The following DUOXA1 variants were observed in gnomAD, a reference collection of about 807,000 sequenced individuals.
DUOXA1 encodes dual oxidase activator 1.
In DUOXA1, 19 loss-of-function variants were observed where a neutral mutation model predicts 26.6. The observed-to-expected ratio is 0.71, with a 90% confidence interval of 0.50 to 1.05. The LOEUF (loss-of-function observed/expected upper bound fraction) is 1.05, where lower values mean the gene tolerates loss of function less well. Ranked by LOEUF, DUOXA1 falls within the 50% of genes least tolerant of loss-of-function variation. The pLI is 0.00. For synonymous variants in DUOXA1, 166 were observed against 177.0 expected (o/e 0.94, Z 0.49); for missense variants, 403 against 427.5 (o/e 0.94, Z 0.51).
chr15:45,125,813 G>A (rs565687295), intron 3 of DUOXA1, among the ~76,000 whole-genome samples: 1 of 152,178 alleles, frequency 6.6e-6, no homozygotes, highest in African/African-American at 2.4e-5. Context: ...TCTTCTTTTA[G>A]CAGTATTCCA....
intron 7 of DUOXA1, 111 bp downstream of exon 7, chr15:45,120,481 G>A (rs187988297): frequency 1.4e-6 from 2 of 1,455,772 alleles, no homozygotes; most frequent in East Asian, 4.5e-5. Flanking sequence ...GGGGACTGGT[G>A]CCAGGCCACC....
chr15:45,121,704 T>C (rs1408620340), intron 5 of DUOXA1, among the ~76,000 whole-genome samples: 2 of 152,176 alleles, frequency 1.3e-5, no homozygotes, highest in African/African-American at 4.8e-5. Context: ...TTAGTAGAGA[T>C]GGGGTTTCCC....
chr15:45,124,423 CTCTT>C (rs1895504858), intron 3 of DUOXA1, among the ~76,000 whole-genome samples: 1 of 152,100 alleles, frequency 6.6e-6, no homozygotes, highest in Admixed American at 6.5e-5. Flanking sequence ...CTCCATTTAT[CTCTT>C]TCTTCAATCT....
chr15:45,120,512 A>G, intron 7 of DUOXA1, 80 bp downstream of exon 7: 2 of 1,523,832 alleles, frequency 1.3e-6, no homozygotes, highest in Non-Finnish European at 1.8e-6. Flanking sequence ...TACCCACATG[A>G]GTGGAGGAGA....
chr15:45,120,035 T>A, intron 8 of DUOXA1, 68 bp downstream of exon 8: 2 of 1,572,858 alleles, frequency 1.3e-6, no homozygotes, highest in Non-Finnish European at 1.7e-6. Context: ...TCTACCGACA[T>A]GATGCCCCCA....
In DUOXA1 at chr15:45,121,130, A is replaced by T. The variant is rs765806257; in HGVS notation, c.297T>A (p.Ile99=). The T allele has an allele frequency of 1.2e-6, 2 of 1,614,130 alleles. No homozygotes were observed. The highest frequency in any genetic ancestry group is 1.7e-6 in the Non-Finnish European group (2 of 1,180,004). The change falls in exon 6 of 9, where the codon ATT becomes ATA. Residue 99 remains isoleucine, a synonymous_variant. Transcript: ENST00000560572. ...CTCCACCCAGCCCGACCTGCAGCCC[A>T]ATATCAGCGCTGATCCACTCAGAAC... ...AFSSEWISAD[I]GLQVGLGGVN...
In DUOXA1 at chr15:45,122,970, C is replaced by T; in HGVS notation, c.45G>A (p.Lys15=). 6.2e-7 allele frequency: 1 copy of T among 1,613,304 alleles called. No individual in the cohort carries two copies. The highest frequency in any genetic ancestry group is 2.2e-5 in the East Asian group (1 of 44,808). The change falls in exon 4 of 9, where the codon AAG becomes AAA. Residue 15 remains lysine, a synonymous_variant. Coordinates refer to ENST00000560572, the MANE Select transcript of DUOXA1 (RefSeq NM_001276266.2). ...AAGTGGTGTCCATCGGGAAGGTTGG[C>T]TTGGGGCCAGCATAGAAGGGGAATG... ...GHTFPFYAGP[K]PTFPMDTTLA...
chr15:45,120,972 C>G lies in DUOXA1; in HGVS notation c.340+115G>C, dbSNP rs1251440953. The G allele has an allele frequency of 3.2e-6, 5 of 1,547,420 alleles. No homozygotes were observed. The African/African-American group carries it at 6.8e-5, about 21-fold the overall frequency. On this transcript the variant is annotated intron_variant, in intron 6 of 8. Transcript: ENST00000560572. ...CTACCATGCCTCTGACCTCCCACCT[C>G]ACACATCCTCCCAGCCCCTGTGCCA... is the stretch of plus-strand genomic sequence containing the variant.
intron 7 of DUOXA1, 63 bp from the exon 8 acceptor site, chr15:45,120,383 G>T: frequency 1.3e-6 from 2 of 1,596,268 alleles, no homozygotes; most frequent in Non-Finnish European, 8.6e-7. Context: ...GAATTTGGAT[G>T]GGCCCAGGCG....
At chr15:45,127,952 T>C (rs1359570010) in intron 3 of DUOXA1, among the ~76,000 whole-genome samples, 6 of 152,136 alleles carry the variant, frequency 3.9e-5, no homozygotes, top group South Asian at 4.1e-4. Context: ...CTCAGTAATA[T>C]AGACTTCATC....
intron 6 of DUOXA1, 81 bp from the exon 7 acceptor site, chr15:45,120,886 G>A (rs1303637095): frequency 1.0e-5 from 16 of 1,530,894 alleles, no homozygotes; most frequent in African/African-American, 1.4e-5. Flanking sequence ...ACACTGGGCA[G>A]AGGGACAGGA....
Position 45,118,539 on chromosome 15 carries a change from T to C in DUOXA1, c.*567A>G. 1.0e-6 allele frequency: 1 copy of C among 992,452 alleles called. No individual in the cohort carries two copies. The highest frequency in any genetic ancestry group is 5.2e-4 in the Middle Eastern group (1 of 1,934). The allele number at this position is 992,452 out of a possible 1,614,324, so 61.5% of individuals were successfully genotyped here. A position where few individuals can be genotyped will look rare whatever the true frequency, so the allele number is the denominator to read the frequency against. ...AGTCTTGCAATCTTATGTAGCAAAT[T>C]TGGGAACTGAAGCTCAAAGAGAATG... On this transcript the variant is annotated 3_prime_UTR_variant, in exon 9 of 9. Transcript: ENST00000560572.
chr15:45,120,336 C>T lies in DUOXA1; in HGVS notation c.555-16G>A, dbSNP rs751297912. On this transcript the variant is annotated splice_polypyrimidine_tract_variant and intron_variant, in intron 7 of 8. Coordinates refer to ENST00000560572, the MANE Select transcript of DUOXA1 (RefSeq NM_001276266.2). ...GAATGCCACCCTGGAGAGCCAGGAC[C>T]CAGTGAGGACTGGCCCAGGTACTTC... 2 of 1,613,512 alleles carry T rather than the reference C, an allele frequency of 1.2e-6. No homozygotes were observed. Among genetic ancestry groups the T allele is most frequent in the Admixed American group, 1.7e-5 (1 of 60,028 alleles).
In DUOXA1 at chr15:45,118,659, T is replaced by C; in HGVS notation, c.*447A>G. 1.0e-6 allele frequency: 1 copy of C among 991,410 alleles called. No individual in the cohort carries two copies. The highest frequency in any genetic ancestry group is 1.2e-6 in the Non-Finnish European group (1 of 834,536). The allele number at this position is 991,410 out of a possible 1,614,324, so 61.4% of individuals were successfully genotyped here. On this transcript the variant is annotated 3_prime_UTR_variant, in exon 9 of 9. Transcript: ENST00000560572. The stretch of plus-strand genomic sequence containing the variant: ...CATTGTACCAAAAGGCCACACAAGC[T>C]GGAGAAGTAAAGGAAGAACAAAAGG...
rs75230796 is a variant in DUOXA1 at position 45,118,803 on chromosome 15, T to A, written c.*303A>T. ...TGAAGTTAGGTTTCAGTGAATAGCA[T>A]CTTGAAGAGGCAAGGCAGCACGGAA... On this transcript the variant is annotated 3_prime_UTR_variant, in exon 9 of 9. Coordinates refer to ENST00000560572, the MANE Select transcript of DUOXA1 (RefSeq NM_001276266.2). The A allele has an allele frequency of 8.5e-4, 938 of 1,100,668 alleles. 11 individuals carry two copies. In the African/African-American group the frequency reaches 0.014, roughly 16 times the overall value. The allele number at this position is 1,100,668 out of a possible 1,614,324, so 68.2% of individuals were successfully genotyped here.
At chr15:45,120,074 T>C (rs762207584) in intron 8 of DUOXA1, 29 bp downstream of exon 8, 2 of 1,612,654 alleles carry the variant, frequency 1.2e-6, no homozygotes, top group Non-Finnish European at 1.7e-6. Context: ...TTGAGACTTC[T>C]AGTGCTTGTC....
At position 45,118,041 on chromosome 15, in the gene DUOXA1, A is replaced by G. The variant is rs1566985685; in HGVS notation, c.*1065T>C. ...CTGGCGCGAGGCCTCGGACATCCGC[A>G]GGCACCAGGGAAAGTCTCCTGGGGC... On this transcript the variant is annotated 3_prime_UTR_variant, in exon 9 of 9. Transcript: ENST00000560572. 2 of 1,594,468 alleles carry G rather than the reference A, an allele frequency of 1.3e-6. No homozygotes were observed. The highest frequency in any genetic ancestry group is 2.7e-5 in the African/African-American group (2 of 74,336).
At chr15:45,119,422 A>G (rs1894932419) in intron 8 of DUOXA1, 57 bp from the exon 9 acceptor site, 1 of 1,526,368 alleles carries the variant, frequency 6.6e-7, no homozygotes. Context: ...TGCCGAGGAT[A>G]TCTTCCCCTG....
At chr15:45,128,002 G>T (rs1196375680) in intron 3 of DUOXA1, among the ~76,000 whole-genome samples, 2 of 152,138 alleles carry the variant, frequency 1.3e-5, no homozygotes, top group African/African-American at 4.8e-5. Context: ...TTCTCATGGG[G>T]TGGGGGGAGT....
Sources: gnomAD v4.1 joint callset for allele counts (sites outside exome capture counted in the v4.1 genomes callset) on GRCh38, gnomAD v4.1.1 for gene constraint, MANE v1.5 for transcripts, NCBI Gene and HGNC (gene_info 2026-07-23, HGNC 2026-07-21) for gene names.